The following IQSEC3 variants were observed in gnomAD, a reference collection of about 807,000 sequenced individuals.
IQSEC3 encodes IQ motif and Sec7 domain ArfGEF 3.
In IQSEC3, 50 loss-of-function variants were observed where a neutral mutation model predicts 105.4. The observed-to-expected ratio is 0.47, with a 90% confidence interval of 0.38 to 0.60. IQSEC3 has a LOEUF of 0.60. Among genes scored for constraint, IQSEC3 ranks in the 20% least tolerant of loss-of-function variants. The pLI, the probability that IQSEC3 is intolerant of heterozygous loss-of-function variation, is 0.00. For missense variants in IQSEC3, 1,415 were observed against 1,630.0 expected (o/e 0.87, Z 2.27); for synonymous variants, 708 against 746.0 (o/e 0.95, Z 0.83).
In IQSEC3 at chr12:138,492, G is replaced by T; in HGVS notation, c.1129G>T (p.Val377Leu). Residue 377 changes from valine (V) to leucine (L), a missense_variant, in exon 4 of 14, where the codon GTG (valine) becomes TTG (leucine). Coordinates refer to ENST00000538872, the MANE Select transcript of IQSEC3 (RefSeq NM_001170738.2). The surrounding 1 kb of genome is among the most constrained non-coding windows in gnomAD (Gnocchi z 7.1). ...EKALMEGYGL[V>L]GLPLVRSPSL... The stretch of plus-strand genomic sequence containing the variant: ...AGCGCTCATGGAGGGCTACGGCCTC[G>T]TGGGGCTGCCGCTGGTGCGCTCGCC... 6.3e-7 allele frequency: 1 copy of T among 1,589,438 alleles called. No individual in the cohort carries two copies.
intron 3 of IQSEC3, among the ~76,000 whole-genome samples, chr12:136,653 G>T (rs979063636): frequency 3.9e-5 from 6 of 152,120 alleles, no homozygotes; most frequent in Admixed American, 2.6e-4. Flanking sequence ...GCCTTGAGTC[G>T]TTCATCTCAG....
chr12:98,967 C>CAG (rs1475285522), intron 1 of IQSEC3, among the ~76,000 whole-genome samples, 179 bp from the exon 2 acceptor site: 2 of 152,282 alleles, frequency 1.3e-5, no homozygotes, highest in African/African-American at 4.8e-5. Context: ...CTCTGATGGA[C>CAG]AGAGCATCGA....
Position 66,948 on chromosome 12 carries a change from G to A in IQSEC3, c.66G>A (p.Val22=). ...VLYLKELTAI[V]QNQQSLIHTQ... is the part of the protein sequence containing the mutation. ...ACCTCAAGGAGCTCACGGCCATCGTGCAGAACCAGCAGAGCCTCATCCACA... is the reference window on the plus strand; with the variant it reads ...ACCTCAAGGAGCTCACGGCCATCGTACAGAACCAGCAGAGCCTCATCCACA... Residue 22 remains valine (V), a synonymous_variant, in exon 1 of 14, where the codon GTG becomes GTA. Coordinates refer to ENST00000538872, the MANE Select transcript of IQSEC3 (RefSeq NM_001170738.2). 6.5e-7 allele frequency: 1 copy of A among 1,528,086 alleles called. No homozygotes were observed. Among genetic ancestry groups the A allele is most frequent in the Non-Finnish European group, 8.7e-7 (1 of 1,143,656 alleles). The allele number at this position is 1,528,086 out of a possible 1,614,324, so 94.7% of individuals were successfully genotyped here. A position where few individuals can be genotyped will look rare whatever the true frequency, so the allele number is the denominator to read the frequency against.
At chr12:98,467 A>G (rs1379915869) in intron 1 of IQSEC3, among the ~76,000 whole-genome samples, 5 of 152,192 alleles carry the variant, frequency 3.3e-5, no homozygotes, top group Non-Finnish European at 7.3e-5. Flanking sequence ...GCTGAGAACC[A>G]CTTCGCTAGT....
intron 1 of IQSEC3, among the ~76,000 whole-genome samples, chr12:83,803 C>T (rs565316089): frequency 9.2e-5 from 14 of 152,212 alleles, no homozygotes; most frequent in Non-Finnish European, 2.1e-4. Flanking sequence ...CAGCAGGGAG[C>T]CCCGGAGCGC....
chr12:103,368 G>A (rs1433401462), intron 2 of IQSEC3, among the ~76,000 whole-genome samples: 1 of 146,760 alleles, frequency 6.8e-6, no homozygotes, highest in African/African-American at 2.6e-5. Flanking sequence ...AGGAGGGGAG[G>A]TGGAGTTCAG....
At chr12:158,564 A>T (rs56047713) in intron 7 of IQSEC3, among the ~76,000 whole-genome samples, 2,699 of 152,308 alleles carry the variant, frequency 0.018, 93 homozygotes, top group African/African-American at 0.062. Flanking sequence ...AAGAGTAACA[A>T]CTATTCTGCC....
At chr12:69,827 T>C (rs2136854509) in intron 1 of IQSEC3, among the ~76,000 whole-genome samples, 1 of 152,390 alleles carries the variant, frequency 6.6e-6, no homozygotes, top group Non-Finnish European at 1.5e-5. Flanking sequence ...TACCCTGCTC[T>C]CTGCCCGTGG....
intron 1 of IQSEC3, among the ~76,000 whole-genome samples, chr12:98,046 G>C (rs1555075140): frequency 6.6e-6 from 1 of 152,192 alleles, no homozygotes; most frequent in African/African-American, 2.4e-5. Context: ...TTTGGACAAA[G>C]TGTTCTGAAG....
At position 176,046 on chromosome 12, in the gene IQSEC3, CTT is replaced by C. The variant is rs1208522504; in HGVS notation, c.*1014_*1015del. On this transcript the variant is annotated 3_prime_UTR_variant, in exon 14 of 14. Transcript: ENST00000538872. This position sits in a 1 kb window ranked among gnomAD's most constrained non-coding sequence, Gnocchi z 4.0. The stretch of plus-strand genomic sequence containing the variant: ...ATGAGTCTGTGGCCTCCAGGAGGGA[CTT>C]GGGTGCAGATGTAAGCAAGAAAAAC... 2 of 152,314 alleles carry C rather than the reference CTT, an allele frequency of 1.3e-5. No homozygotes were observed. Among genetic ancestry groups the C allele is most frequent in the Non-Finnish European group, 2.9e-5 (2 of 68,022 alleles). The allele number at this position is 152,314 out of a possible 1,614,324, so 9.4% of individuals were successfully genotyped here.
chr12:115,620 T>C (rs1249371948), intron 2 of IQSEC3, among the ~76,000 whole-genome samples: 1 of 152,148 alleles, frequency 6.6e-6, no homozygotes, highest in African/African-American at 2.4e-5. Flanking sequence ...TGCCATAGGC[T>C]TCGTGTAGAT....
chr12:165,654 C>T, intron 10 of IQSEC3, 75 bp from the exon 11 acceptor site: 2 of 1,592,128 alleles, frequency 1.3e-6, no homozygotes, highest in Non-Finnish European at 8.6e-7. Flanking sequence ...CCCGTGCCCT[C>T]CTCATGTCTG....
chr12:127,325 C>A (rs1220142362), intron 3 of IQSEC3, among the ~76,000 whole-genome samples: 2 of 151,948 alleles, frequency 1.3e-5, no homozygotes, highest in African/African-American at 4.8e-5. Context: ...TTGAGACCAG[C>A]CCGCCCAATA....
At chr12:125,935 G>GA in intron 3 of IQSEC3, 23 bp downstream of exon 3, 1 of 1,526,878 alleles carries the variant, frequency 6.5e-7, no homozygotes, top group Non-Finnish European at 8.7e-7. Context: ...TCCTAGGGGG[G>GA]CGGGGAGGGT....
chr12:75,342 G>A (rs1427944225), intron 1 of IQSEC3, among the ~76,000 whole-genome samples: 1,772 of 151,176 alleles, frequency 0.012, 24 homozygotes, highest in African/African-American at 0.037. Context: ...AAATTTTGCA[G>A]AGAATTGGAA....
At chr12:140,286 A>T (rs191588785) in intron 4 of IQSEC3, 1 of 152,178 alleles carries the variant, frequency 6.6e-6, no homozygotes, top group Admixed American at 6.5e-5. Context: ...ACACAGAGGT[A>T]TTACCATGCT....
At chr12:120,445 G>A (rs1214506273) in intron 2 of IQSEC3, among the ~76,000 whole-genome samples, 13 of 152,334 alleles carry the variant, frequency 8.5e-5, no homozygotes, top group African/African-American at 3.1e-4. Context: ...TATCCCACCA[G>A]TATTGTGGAG....
At chr12:160,392 A>G (rs1398681188) in intron 7 of IQSEC3, among the ~76,000 whole-genome samples, 1 of 151,962 alleles carries the variant, frequency 6.6e-6, no homozygotes, top group Non-Finnish European at 1.5e-5. Context: ...GTATCTGGAG[A>G]TATTTTTTTC....
intron 2 of IQSEC3, among the ~76,000 whole-genome samples, chr12:101,317 G>A (rs1864414757): frequency 6.6e-6 from 1 of 152,214 alleles, no homozygotes; most frequent in Non-Finnish European, 1.5e-5. Context: ...GGGCAGGGGA[G>A]GGGTGCTGCC....
Sources: gnomAD v4.1 joint callset for allele counts (sites outside exome capture counted in the v4.1 genomes callset) on GRCh38, gnomAD v4.1.1 for gene constraint, Gnocchi (gnomAD v3.1) non-coding constraint, MANE v1.5 for transcripts, NCBI Gene and HGNC (gene_info 2026-07-23, HGNC 2026-07-21) for gene names.